ANKS1B: variants seen among roughly 807,000 people sequenced by gnomAD.
ANKS1B encodes the protein ankyrin repeat and sterile alpha motif domain containing 1B, also known as ankyrin repeat and sterile alpha motif domain-containing protein 1B.
In ANKS1B, 36 loss-of-function variants were observed where a neutral mutation model predicts 148.3. The observed-to-expected ratio is 0.24, with a 90% CI of 0.19 to 0.32. The LOEUF is 0.32. Among genes scored for constraint, ANKS1B ranks in the 10% least tolerant of loss-of-function variants. The probability of loss-of-function intolerance (pLI) is 1.00; values close to 1 mark genes in which losing one functional copy is unlikely to be tolerated. For missense variants in ANKS1B, 1,157 were observed against 1,542.6 expected (o/e 0.75, Z 4.19); for synonymous variants, 542 against 560.8 (o/e 0.97, Z 0.47).
At chr12:98,857,113 G>C (rs981632435) in intron 17 of ANKS1B, among the ~76,000 whole-genome samples, 4 of 152,182 alleles carry the variant, frequency 2.6e-5, no homozygotes, top group African/African-American at 9.7e-5. Context: ...AGACACAAGA[G>C]GGCTGTGATT....
intron 17 of ANKS1B, among the ~76,000 whole-genome samples, chr12:98,874,043 ATCTGT>A (rs1233450563): frequency 6.6e-6 from 1 of 152,198 alleles, no homozygotes; most frequent in African/African-American, 2.4e-5. Flanking sequence ...ATGGGCCATT[ATCTGT>A]CTGCCTCTTT....
At chr12:99,962,484 G>A (rs562187457) in intron 1 of ANKS1B, among the ~76,000 whole-genome samples, 19 of 152,192 alleles carry the variant, frequency 1.2e-4, no homozygotes, top group Admixed American at 2.6e-4. Context: ...CCATGACTTC[G>A]AGATTGTAAA....
At chr12:99,205,169 C>A (rs969113051) in intron 14 of ANKS1B, among the ~76,000 whole-genome samples, 1 of 152,104 alleles carries the variant, frequency 6.6e-6, no homozygotes, top group Non-Finnish European at 1.5e-5. Context: ...CAAGAGAGTG[C>A]GAGATGATGG....
chr12:98,736,375 G>C (rs913651565), intron 9 of ANKS1B, among the ~76,000 whole-genome samples: 4 of 152,202 alleles, frequency 2.6e-5, no homozygotes, highest in African/African-American at 7.2e-5. Context: ...GGTTGTGAGA[G>C]AGACAAGAAA....
At chr12:99,154,197 T>TG in intron 15 of ANKS1B, 92 bp downstream of exon 15, 1 of 1,496,536 alleles carries the variant, frequency 6.7e-7, no homozygotes. Context: ...TGACCAGTTT[T>TG]GGTGCAAATC....
intron 17 of ANKS1B, among the ~76,000 whole-genome samples, chr12:98,979,108 C>T (rs111618626): frequency 0.052 from 7,853 of 150,680 alleles, 426 homozygotes; most frequent in African/African-American, 0.13. Context: ...CGCCACTGCA[C>T]TCTAGCCTGG....
At chr12:99,633,168 T>C (rs2098190491) in intron 9 of ANKS1B, among the ~76,000 whole-genome samples, 1 of 151,944 alleles carries the variant, frequency 6.6e-6, no homozygotes, top group African/African-American at 2.4e-5. Flanking sequence ...TTGTTGGACA[T>C]TTGGGTTGGT....
chr12:99,676,103 G>GT (rs993218437), intron 8 of ANKS1B, among the ~76,000 whole-genome samples: 87 of 152,064 alleles, frequency 5.7e-4, no homozygotes, highest in Admixed American at 2.5e-3. Flanking sequence ...TTCATAAGGG[G>GT]TTTTTCCCCC....
intron 8 of ANKS1B, among the ~76,000 whole-genome samples, chr12:99,687,566 C>T (rs1427144431): frequency 6.6e-6 from 1 of 151,950 alleles, no homozygotes; most frequent in Non-Finnish European, 1.5e-5. Context: ...TTGCTAGATC[C>T]TCAAGTTCAC....
chr12:98,879,476 G>A (rs1423830564), intron 17 of ANKS1B, among the ~76,000 whole-genome samples: 5 of 152,164 alleles, frequency 3.3e-5, no homozygotes, highest in Admixed American at 2.6e-4. Flanking sequence ...CCTTTCCTCT[G>A]AAGAAAAGCA....
intron 17 of ANKS1B, among the ~76,000 whole-genome samples, chr12:98,972,641 A>G (rs2099884319): frequency 6.6e-6 from 1 of 152,202 alleles, no homozygotes. Context: ...TAAAAGCATG[A>G]TATTTTTAAA....
At chr12:99,699,494 C>A (rs765695003) in intron 8 of ANKS1B, among the ~76,000 whole-genome samples, 1 of 152,050 alleles carries the variant, frequency 6.6e-6, no homozygotes, top group East Asian at 1.9e-4. Context: ...TAAGAAATAC[C>A]AACAATAATA....
intron 8 of ANKS1B, among the ~76,000 whole-genome samples, chr12:99,719,089 C>G (rs2057778473): frequency 6.6e-6 from 1 of 152,204 alleles, no homozygotes. Flanking sequence ...CACCCTGTAG[C>G]CTTTCTGTCC....
chr12:98,861,996 C>T (rs954319735), intron 17 of ANKS1B, among the ~76,000 whole-genome samples: 1 of 151,982 alleles, frequency 6.6e-6, no homozygotes, highest in Non-Finnish European at 1.5e-5. Flanking sequence ...GTTTAAAATG[C>T]TATTAGTATT....
intron 9 of ANKS1B, among the ~76,000 whole-genome samples, chr12:99,601,632 C>T (rs929175184): frequency 2.6e-5 from 4 of 151,992 alleles, no homozygotes; most frequent in Non-Finnish European, 5.9e-5. Flanking sequence ...GACAAGATAA[C>T]AAGAGAAAAG....
chr12:99,165,703 TG>T (rs2077125453), intron 14 of ANKS1B, among the ~76,000 whole-genome samples: 1 of 154 alleles, frequency 6.5e-3, no homozygotes, highest in Admixed American at 0.042. Flanking sequence ...AAACATATAG[TG>T]AAAGAAATAA....
chr12:98,768,348 A>G (rs2098512839), intron 25 of ANKS1B, among the ~76,000 whole-genome samples: 1 of 151,286 alleles, frequency 6.6e-6, no homozygotes, highest in Non-Finnish European at 1.5e-5. Flanking sequence ...CCAAGCAACA[A>G]AAGCAGGCTT....
At chr12:99,010,437 T>C (rs1252283181) in intron 17 of ANKS1B, among the ~76,000 whole-genome samples, 1 of 152,206 alleles carries the variant, frequency 6.6e-6, no homozygotes, top group African/African-American at 2.4e-5. Context: ...TCAGAACCCT[T>C]ACTTACTCCT....
At chr12:99,064,978 T>C (rs1036408993) in intron 16 of ANKS1B, among the ~76,000 whole-genome samples, 4 of 152,208 alleles carry the variant, frequency 2.6e-5, no homozygotes, top group African/African-American at 9.6e-5. Flanking sequence ...TTGATATGTT[T>C]CCTTGTTGCA....
Sources: gnomAD v4.1 joint callset for allele counts (sites outside exome capture counted in the v4.1 genomes callset) on GRCh38, gnomAD v4.1.1 for gene constraint, MANE v1.5 for transcripts, NCBI Gene and HGNC (gene_info 2026-07-23, HGNC 2026-07-21) for gene names.